PARD3: variants seen among roughly 807,000 people sequenced by gnomAD.
The protein encoded by PARD3 is partitioning defective 3 homolog.
A neutral mutation model predicts 155.4 loss-of-function variants in PARD3; 75 were observed. The ratio of observed to expected loss-of-function variants is 0.48; its 90% confidence interval spans 0.40 to 0.58. PARD3 has a LOEUF of 0.58. Ranked by LOEUF, PARD3 falls within the 20% of genes least tolerant of loss-of-function variation. PARD3 has a pLI of 0.00. For missense variants in PARD3, 1,642 were observed against 1,721.7 expected (o/e 0.95, Z 0.82); for synonymous variants, 576 against 610.5 (o/e 0.94, Z 0.83).
At chr10:34,227,159 T>C (rs1952640694) in intron 22 of PARD3, among the ~76,000 whole-genome samples, 1 of 152,070 alleles carries the variant, frequency 6.6e-6, no homozygotes. Flanking sequence ...GAAACTTAAA[T>C]CAACATGCAA....
At chr10:34,431,344 T>A (rs1057388656) in intron 5 of PARD3, among the ~76,000 whole-genome samples, 1 of 152,164 alleles carries the variant, frequency 6.6e-6, no homozygotes, top group Non-Finnish European at 1.5e-5. Context: ...AGGAACAGAA[T>A]TGATTTTAAA....
intron 2 of PARD3, among the ~76,000 whole-genome samples, chr10:34,537,441 C>T (rs1192804279): frequency 1.3e-5 from 2 of 152,148 alleles, no homozygotes; most frequent in Non-Finnish European, 2.9e-5. Flanking sequence ...GAAATAAGAG[C>T]AGTACTACAA....
chr10:34,122,274 T>C (rs1241825144), intron 23 of PARD3, among the ~76,000 whole-genome samples: 2 of 152,212 alleles, frequency 1.3e-5, no homozygotes, highest in African/African-American at 2.4e-5. Flanking sequence ...TTGCAAGGTC[T>C]TGTAGAAATT....
At chr10:34,262,123 G>T (rs1001160166) in intron 22 of PARD3, among the ~76,000 whole-genome samples, 1 of 32,816 alleles carries the variant, frequency 3.0e-5, no homozygotes, top group Admixed American at 2.5e-4. Context: ...AAAAATGTGG[G>T]TTTGTAGTCA....
chr10:34,367,303 T>A (rs1404685048), intron 12 of PARD3, among the ~76,000 whole-genome samples: 1 of 152,234 alleles, frequency 6.6e-6, no homozygotes, highest in East Asian at 1.9e-4. Context: ...CATACTTGTA[T>A]TTCATTCATT....
At chr10:34,538,811 G>A (rs1459694777) in intron 2 of PARD3, among the ~76,000 whole-genome samples, 1 of 152,236 alleles carries the variant, frequency 6.6e-6, no homozygotes. Context: ...ATCCAAGTAG[G>A]AGATCATGCT....
At chr10:34,242,575 A>C in intron 22 of PARD3, among the ~76,000 whole-genome samples, 1 of 152,230 alleles carries the variant, frequency 6.6e-6, no homozygotes, top group East Asian at 1.9e-4. Flanking sequence ...TTTTCAACAT[A>C]AAGTTTAATG....
chr10:34,650,671 A>G (rs1429362440), intron 2 of PARD3, among the ~76,000 whole-genome samples: 1 of 152,198 alleles, frequency 6.6e-6, no homozygotes, highest in East Asian at 1.9e-4. Context: ...CACTTAGGTC[A>G]GAAAGCACAA....
In PARD3 at chr10:34,365,555, A is replaced by G. The variant is rs147521516; in HGVS notation, c.1708-5296T>C. On this transcript the variant is annotated intron_variant, in intron 12 of 24. Transcript: ENST00000374788. ...AGGATATGTGGCTGGGACATGATACATATTAGTTAAATAGGTAGACAAGAA... is the reference window on the plus strand; with the variant it reads ...AGGATATGTGGCTGGGACATGATACGTATTAGTTAAATAGGTAGACAAGAA... Among the ~76,000 whole-genome samples, 1,240 of 152,302 alleles carry G rather than the reference A, an allele frequency of 8.1e-3. 18 individuals carry two copies. Among genetic ancestry groups the G allele is most frequent in the African/African-American group, 0.029 (1,200 of 41,572 alleles).
chr10:34,268,641 A>C (rs1955457640), intron 22 of PARD3, among the ~76,000 whole-genome samples: 1 of 152,140 alleles, frequency 6.6e-6, no homozygotes, highest in Admixed American at 6.5e-5. Flanking sequence ...ACATGGATGA[A>C]GCTGGAAACC....
intron 2 of PARD3, among the ~76,000 whole-genome samples, chr10:34,585,676 A>T (rs1251010921): frequency 6.6e-6 from 1 of 151,460 alleles, no homozygotes; most frequent in African/African-American, 2.4e-5. Flanking sequence ...CATTCAAATC[A>T]CTCTGTCTGC....
intron 1 of PARD3, among the ~76,000 whole-genome samples, chr10:34,739,307 TCTCTCTACTATCTTTG>T (rs2094967420): frequency 6.6e-6 from 1 of 152,194 alleles, no homozygotes; most frequent in Non-Finnish European, 1.5e-5. Context: ...AGGGGTACAC[TCTCTCTACTATCTTTG>T]CAGTTTTTAA....
chr10:34,111,665 A>G (rs1044072525), intron 24 of PARD3, 103 bp from the exon 25 acceptor site: 13 of 938,782 alleles, frequency 1.4e-5, no homozygotes, highest in African/African-American at 6.6e-5. Flanking sequence ...CTTTTCAACA[A>G]ATATTCCTGT....
Position 34,256,112 on chromosome 10 carries a change from C to T in PARD3, c.3419+13545G>A, listed in dbSNP as rs1009387920. On this transcript the variant is annotated intron_variant, in intron 22 of 24. Transcript: ENST00000374788. ...AGCATTTCATCTGAGTTGCTGGATA[C>T]ACTTTAAAGTTCGGAATATCATATC... Among the ~76,000 whole-genome samples the T allele has an allele frequency of 5.3e-5, 8 of 152,208 alleles. No homozygotes were observed. In the East Asian group the frequency reaches 5.8e-4, roughly 11 times the overall value.
At chr10:34,345,891 A>C in intron 15 of PARD3, 1 of 985,348 alleles carries the variant, frequency 1.0e-6, no homozygotes, top group Non-Finnish European at 1.2e-6. Flanking sequence ...GGAATTTTCA[A>C]ATTTGCAAAA....
chr10:34,338,255 A>C (rs1836411806), intron 16 of PARD3, among the ~76,000 whole-genome samples: 2 of 152,236 alleles, frequency 1.3e-5, no homozygotes, highest in African/African-American at 4.8e-5. Flanking sequence ...ATCCCTGGTA[A>C]CAGGATGCCT....
intron 3 of PARD3, among the ~76,000 whole-genome samples, chr10:34,515,697 C>T (rs915074598): frequency 5.3e-5 from 8 of 152,022 alleles, no homozygotes; most frequent in African/African-American, 1.9e-4. Context: ...TTGTAAACAT[C>T]TAGAAGCAAA....
At chr10:34,348,296 G>A (rs1837639198) in intron 14 of PARD3, among the ~76,000 whole-genome samples, 181 bp from the exon 15 acceptor site, 1 of 152,156 alleles carries the variant, frequency 6.6e-6, no homozygotes, top group Non-Finnish European at 1.5e-5. Flanking sequence ...CCAACTTTCT[G>A]TGCCACTTTA....
chr10:34,321,824 T>A (rs776518260), intron 19 of PARD3, among the ~76,000 whole-genome samples: 2 of 152,194 alleles, frequency 1.3e-5, no homozygotes, highest in Admixed American at 6.5e-5. Context: ...TTAATGATGA[T>A]GGAGAAAATG....
Sources: allele counts gnomAD v4.1 joint callset (sites outside exome capture counted in the v4.1 genomes callset), GRCh38; gene constraint gnomAD v4.1.1; transcripts MANE v1.5; gene names NCBI Gene and HGNC (gene_info 2026-07-23, HGNC 2026-07-21).